LPCAT1: variants seen among roughly 807,000 people sequenced by gnomAD.
The protein encoded by LPCAT1 is 1-acylglycerol-3-phosphate O-acyltransferase.
In LPCAT1, 23 loss-of-function variants were observed where a neutral mutation model predicts 60.9. That is an observed-to-expected ratio of 0.38 (90% confidence interval 0.27 to 0.53). LPCAT1 has a LOEUF of 0.53. Among genes scored for constraint, LPCAT1 ranks in the 20% least tolerant of loss-of-function variants. LPCAT1 has a pLI of 0.82. For synonymous variants in LPCAT1, 340 were observed against 301.1 expected (o/e 1.13, Z -1.34); for missense variants, 622 against 723.6 (o/e 0.86, Z 1.61).
In LPCAT1 at chr5:1,481,500, GC is replaced by G. The variant is rs1325077285; in HGVS notation, c.727-525del. ...AAGTCCCATCTTCAGCCTCAGTGCC[GC>G]CGGGCAGGGACCACACAGCAGGGGC... On this transcript the variant is annotated intron_variant, in intron 6 of 13. Transcript: ENST00000283415. The surrounding 1 kb of genome is among the most constrained non-coding windows in gnomAD (Gnocchi z 7.8). Among the ~76,000 whole-genome samples the G allele has an allele frequency of 6.6e-6, 1 of 152,254 alleles. No individual in the cohort carries two copies. Among genetic ancestry groups the G allele is most frequent in the Non-Finnish European group, 1.5e-5 (1 of 68,054 alleles).
intron 10 of LPCAT1, among the ~76,000 whole-genome samples, chr5:1,474,341 G>A (rs1734810675): frequency 6.6e-6 from 1 of 152,230 alleles, no homozygotes; most frequent in Admixed American, 6.5e-5. Flanking sequence ...GATGTGGCAG[G>A]ACACAGGGTG....
chr5:1,503,978 G>A (rs1316855564), intron 1 of LPCAT1, among the ~76,000 whole-genome samples: 1 of 152,126 alleles, frequency 6.6e-6, no homozygotes, highest in Admixed American at 6.5e-5. Context: ...TATTTTATCA[G>A]TCTTCTTACA....
intron 13 of LPCAT1, among the ~76,000 whole-genome samples, chr5:1,464,216 G>T (rs1042154356): frequency 6.6e-6 from 1 of 152,194 alleles, no homozygotes; most frequent in African/African-American, 2.4e-5. Context: ...CGCTCTGAGG[G>T]GGTGCCCTCG....
At position 1,474,035 on chromosome 5, in the gene LPCAT1, T is replaced by G. The variant is rs2126501371; in HGVS notation, c.1101A>C (p.Ile367=). ...ERARMKGGEK[I]GIAEFAASLE... is the part of the protein sequence containing the mutation. ...GGGAGGCGGCAAACTCCGCAATACC[T>G]ATCTTCTCTCCTCCCTTCATCCTGG... is the stretch of plus-strand genomic sequence containing the variant. The change falls in exon 11 of 14, where the codon ATA becomes ATC. Residue 367 remains isoleucine, a synonymous_variant. Coordinates refer to ENST00000283415, the MANE Select transcript of LPCAT1 (RefSeq NM_024830.5). 6.2e-7 allele frequency: 1 copy of G among 1,614,192 alleles called. No homozygotes were observed. The highest frequency in any genetic ancestry group is 8.5e-7 in the Non-Finnish European group (1 of 1,180,036).
chr5:1,515,934 G>A (rs540333369), intron 1 of LPCAT1, among the ~76,000 whole-genome samples: 10 of 152,374 alleles, frequency 6.6e-5, no homozygotes, highest in South Asian at 2.1e-4. Flanking sequence ...CACCAGTAAC[G>A]TCTGTGAGGC....
chr5:1,477,420 G>C lies in LPCAT1; in HGVS notation c.883C>G (p.Arg295Gly). The change falls in exon 9 of 14, where the codon CGG becomes GGG. Residue 295 changes from arginine (R) to glycine (G), a missense_variant. Physicochemically the swap from Arg to Gly is moderately radical, Grantham distance 125 (BLOSUM62 -2). This residue lies in a region of LPCAT1 where 209 missense variants were observed against 325.5 expected (regional missense o/e 0.64). Transcript: ENST00000283415. This position sits in a 1 kb window ranked among gnomAD's most constrained non-coding sequence, Gnocchi z 6.0. ...RNPALYASNVRRVMAEALGVS... is the reference protein window; with the variant it reads ...RNPALYASNVGRVMAEALGVS... ...CTCACTTACTCGGCCATGACTCGCC[G>C]CACGTTGCTGGCATACAGCGCGGGG... 6.2e-7 allele frequency: 1 copy of C among 1,613,886 alleles called. No homozygotes were observed.
intron 5 of LPCAT1, among the ~76,000 whole-genome samples, chr5:1,484,824 G>A (rs1735309025): frequency 6.6e-6 from 1 of 152,256 alleles, no homozygotes; most frequent in Non-Finnish European, 1.5e-5. Context: ...CTTCCCCTGT[G>A]TCCAGGGCTG....
chr5:1,501,680 CA>C (rs1212324392), intron 1 of LPCAT1, 77 bp from the exon 2 acceptor site: 1 of 1,451,142 alleles, frequency 6.9e-7, no homozygotes, highest in East Asian at 2.3e-5. Context: ...GAGGCTAGCC[CA>C]GGGGGACAGC....
intron 1 of LPCAT1, chr5:1,510,947 G>C (rs919112960): frequency 2.6e-5 from 4 of 152,340 alleles, no homozygotes; most frequent in African/African-American, 9.6e-5. Context: ...CGTGGGTGGA[G>C]GCTGTCTCCC....
At chr5:1,482,431 C>G (rs967097860) in intron 6 of LPCAT1, among the ~76,000 whole-genome samples, 2 of 85,196 alleles carry the variant, frequency 2.3e-5, no homozygotes, top group Non-Finnish European at 2.2e-5. Context: ...GGGCTGCGGC[C>G]AGGGGCAGGG....
intron 1 of LPCAT1, among the ~76,000 whole-genome samples, chr5:1,509,001 C>T (rs1278716187): frequency 6.6e-5 from 10 of 152,274 alleles, no homozygotes; most frequent in Non-Finnish European, 1.5e-5. Flanking sequence ...CGGTGCCCGA[C>T]AGGGGTGCTG....
Position 1,483,604 on chromosome 5 carries a change from A to G in LPCAT1, c.668-118T>C. ...CTTTTCTGTCTAGGCCTTCCTGGTC[A>G]GCAAGGGCACTCCATGCCTGGACTA... On this transcript the variant is annotated intron_variant, in intron 5 of 13. Coordinates refer to ENST00000283415, the MANE Select transcript of LPCAT1 (RefSeq NM_024830.5). The surrounding 1 kb of genome is among the most constrained non-coding windows in gnomAD (Gnocchi z 9.2). The G allele has an allele frequency of 2.1e-6, 2 of 966,454 alleles. No homozygotes were observed. The highest frequency in any genetic ancestry group is 2.4e-5 in the East Asian group (1 of 41,238). The allele number at this position is 966,454 out of a possible 1,614,324, so 59.9% of individuals were successfully genotyped here.
intron 5 of LPCAT1, among the ~76,000 whole-genome samples, chr5:1,485,455 C>A (rs1450142674): frequency 1.3e-5 from 2 of 152,214 alleles, no homozygotes; most frequent in Non-Finnish European, 2.9e-5. Flanking sequence ...AGGAACAAGG[C>A]AGAGGGGAGG....
chr5:1,495,075 A>G lies in LPCAT1; in HGVS notation c.279-161T>C, dbSNP rs1470671263. Reference sequence around the variant, plus strand: ...GGACATCTGCTTGAGGGAAGAAAAGACGCCGCGCCTTCCTGGCCTCCGCCT... The same window carrying G: ...GGACATCTGCTTGAGGGAAGAAAAGGCGCCGCGCCTTCCTGGCCTCCGCCT... On this transcript the variant is annotated intron_variant, in intron 2 of 13. Transcript: ENST00000283415. The surrounding 1 kb of genome is among the most constrained non-coding windows in gnomAD (Gnocchi z 4.7). The G allele has an allele frequency of 1.5e-6, 1 of 669,726 alleles. No homozygotes were observed. The highest frequency in any genetic ancestry group is 2.5e-6 in the Non-Finnish European group (1 of 402,884). 41.5% of individuals were successfully genotyped at this position (669,726 alleles called of 1,614,324 possible).
At chr5:1,479,717 G>T in intron 7 of LPCAT1, 42 bp from the exon 8 acceptor site, 7 of 1,472,828 alleles carry the variant, frequency 4.8e-6, no homozygotes, top group East Asian at 2.3e-5. Flanking sequence ...TTTACAACTC[G>T]GGTTAACAAG....
At chr5:1,515,257 G>GC (rs1304279160) in intron 1 of LPCAT1, among the ~76,000 whole-genome samples, 1 of 140,072 alleles carries the variant, frequency 7.1e-6, no homozygotes, top group Non-Finnish European at 1.5e-5. Context: ...GATACAGGGA[G>GC]CCCCCCAGCA....
chr5:1,496,985 T>C lies in LPCAT1; in HGVS notation c.279-2071A>G, dbSNP rs1735816741. Among the ~76,000 whole-genome samples, 1 of 152,056 alleles carries C rather than the reference T, an allele frequency of 6.6e-6. No homozygotes were observed. The highest frequency in any genetic ancestry group is 2.4e-5 in the African/African-American group (1 of 41,382). The stretch of plus-strand genomic sequence containing the variant: ...CCATCAGCACCCCCAGGAAATCCAC[T>C]CCGTCCTACCGCCCTCACACGGACG... On this transcript the variant is annotated intron_variant, in intron 2 of 13. Transcript: ENST00000283415. This position sits in a 1 kb window ranked among gnomAD's most constrained non-coding sequence, Gnocchi z 4.7.
chr5:1,523,676 C>T lies in LPCAT1; in HGVS notation c.135+34G>A. 1 of 1,074,784 alleles carries T rather than the reference C, an allele frequency of 9.3e-7. No individual in the cohort carries two copies. Among genetic ancestry groups the T allele is most frequent in the South Asian group, 3.8e-5 (1 of 26,280 alleles). 66.6% of individuals were successfully genotyped at this position (1,074,784 alleles called of 1,614,324 possible). A position where few individuals can be genotyped will look rare whatever the true frequency, so the allele number is the denominator to read the frequency against. On this transcript the variant is annotated intron_variant, in intron 1 of 13. Coordinates refer to ENST00000283415, the MANE Select transcript of LPCAT1 (RefSeq NM_024830.5). This position sits in a 1 kb window ranked among gnomAD's most constrained non-coding sequence, Gnocchi z 7.1. ...GGCCCCAGCATCCCTGGCGTCCGCG[C>T]CGGCTCCCGGGGCCGCGCGCCCTGG... is the stretch of plus-strand genomic sequence containing the variant.
chr5:1,466,987 G>C (rs1439302339), intron 12 of LPCAT1, 97 bp from the exon 13 acceptor site: 1 of 1,290,186 alleles, frequency 7.8e-7, no homozygotes, highest in Non-Finnish European at 9.9e-7. Context: ...CGCTTTGTCA[G>C]AGCTGCTGGG....
Sources: allele counts gnomAD v4.1 joint callset (sites outside exome capture counted in the v4.1 genomes callset), GRCh38; gene constraint gnomAD v4.1.1; regional missense constraint gnomAD v4.1.1; non-coding constraint Gnocchi (gnomAD v3.1); transcripts MANE v1.5; gene names NCBI Gene and HGNC (gene_info 2026-07-23, HGNC 2026-07-21).